The following MYRFL variants were observed in gnomAD, a reference collection of about 807,000 sequenced individuals.
MYRFL encodes myelin regulatory factor-like protein.
MYRFL carries 88 observed loss-of-function variants against 109.4 expected under a neutral mutation model. The ratio of observed to expected loss-of-function variants is 0.80; its 90% CI spans 0.68 to 0.96. The LOEUF is 0.96. MYRFL is among the 40% of genes least tolerant of loss of function. MYRFL has a pLI of 0.00. For synonymous variants in MYRFL, 324 were observed against 320.9 expected, an observed-to-expected ratio of 1.01 and a Z score of -0.10; for missense variants, 957 against 954.9, an observed-to-expected ratio of 1.00 and a Z score of -0.03.
At chr12:69,910,985 C>T in intron 13 of MYRFL, 55 bp downstream of exon 13, 1 of 1,252,498 alleles carries the variant, frequency 8.0e-7, no homozygotes, top group Non-Finnish European at 1.1e-6. Flanking sequence ...GGATAAACCC[C>T]CTTCTGTGAT....
chr12:69,878,782 C>T (rs907278035), intron 2 of MYRFL, among the ~76,000 whole-genome samples: 7 of 152,014 alleles, frequency 4.6e-5, no homozygotes, highest in Admixed American at 6.6e-5. Flanking sequence ...GGAGAGGTTA[C>T]GTACTTATTC....
intron 1 of MYRFL, among the ~76,000 whole-genome samples, chr12:69,853,902 A>G (rs1000740087): frequency 1.3e-5 from 2 of 151,424 alleles, no homozygotes; most frequent in Non-Finnish European, 2.9e-5. Context: ...ATCCCAGACG[A>G]TGGGCGGCCA....
At position 69,932,563 on chromosome 12, in the gene MYRFL, C is replaced by G; in HGVS notation, c.1881C>G (p.Thr627=). The G allele has an allele frequency of 6.5e-7, 1 of 1,535,958 alleles. No individual in the cohort carries two copies. Among genetic ancestry groups the G allele is most frequent in the Non-Finnish European group, 8.7e-7 (1 of 1,146,838 alleles). Residue 627 remains threonine, a synonymous_variant, in exon 16 of 25, where the codon ACC becomes ACG. Transcript: ENST00000552032. The stretch of plus-strand genomic sequence containing the variant: ...CGTGTCCTAATTGGGTTTTCCAGAC[C>G]TTGGTTATAACTCTGATTGCTGTGA... ...RQACPNWVFQ[T]LVITLIAVMA...
At chr12:69,844,609 G>A (rs933276391) in intron 1 of MYRFL, among the ~76,000 whole-genome samples, 7 of 152,172 alleles carry the variant, frequency 4.6e-5, no homozygotes, top group Admixed American at 2.6e-4. Context: ...GTGAGAGCAC[G>A]ATCAGTAGCC....
intron 10 of MYRFL, among the ~76,000 whole-genome samples, chr12:69,897,610 A>G (rs981335452): frequency 6.6e-6 from 1 of 152,236 alleles, no homozygotes; most frequent in Non-Finnish European, 1.5e-5. Flanking sequence ...TGTTCTAGGC[A>G]CTGAGCTAAA....
chr12:69,897,143 G>T lies in MYRFL; in HGVS notation c.1092-13G>T. On this transcript the variant is annotated splice_polypyrimidine_tract_variant and intron_variant, in intron 9 of 24. Transcript: ENST00000552032. ...CCTGATGCATTGGCATTGGTCTGCT[G>T]TCTCTGAATTAGATACTTCATGTTG... is the stretch of plus-strand genomic sequence containing the variant. 6.5e-7 allele frequency: 1 copy of T among 1,527,380 alleles called. No individual in the cohort carries two copies. Among genetic ancestry groups the T allele is most frequent in the Non-Finnish European group, 8.8e-7 (1 of 1,139,030 alleles). The allele number at this position is 1,527,380 out of a possible 1,614,324, so 94.6% of individuals were successfully genotyped here.
intron 1 of MYRFL, among the ~76,000 whole-genome samples, chr12:69,846,056 C>A (rs1330797401): frequency 6.8e-6 from 1 of 146,546 alleles, no homozygotes; most frequent in Admixed American, 6.8e-5. Context: ...AAACTCCTTG[C>A]CTTAGTTTAA....
chr12:69,916,797 A>ATAAG (rs961439538), intron 13 of MYRFL, among the ~76,000 whole-genome samples: 5 of 145,392 alleles, frequency 3.4e-5, no homozygotes, highest in African/African-American at 1.3e-4. Context: ...AAATGACTAA[A>ATAAG]TAAGTAAGGT....
chr12:69,862,983 C>T (rs1162285146), intron 2 of MYRFL, among the ~76,000 whole-genome samples: 1 of 151,828 alleles, frequency 6.6e-6, no homozygotes, highest in Non-Finnish European at 1.5e-5. Flanking sequence ...TTGTCAAAGG[C>T]CTTTTCTGCA....
intron 2 of MYRFL, among the ~76,000 whole-genome samples, chr12:69,863,974 C>T (rs1884852892): frequency 6.6e-6 from 1 of 152,156 alleles, no homozygotes; most frequent in Admixed American, 6.5e-5. Context: ...AATGTTGACC[C>T]ACTGCCTTCT....
chr12:69,955,846 GA>G (rs747692000), intron 22 of MYRFL, among the ~76,000 whole-genome samples: 2,676 of 97,908 alleles, frequency 0.027, 38 homozygotes, highest in Middle Eastern at 0.059. Flanking sequence ...CCAAAAGACA[GA>G]AAAAAAAAAA....
chr12:69,908,161 C>A (rs1954432679), intron 11 of MYRFL, among the ~76,000 whole-genome samples: 1 of 152,180 alleles, frequency 6.6e-6, no homozygotes, highest in Non-Finnish European at 1.5e-5. Flanking sequence ...ATGTATTTAA[C>A]AATTATTAGC....
At chr12:69,832,313 C>A (rs1471186588) in intron 1 of MYRFL, among the ~76,000 whole-genome samples, 1 of 152,078 alleles carries the variant, frequency 6.6e-6, no homozygotes, top group African/African-American at 2.4e-5. Context: ...TTCACACAAT[C>A]AAAAAATATT....
At chr12:69,897,973 C>T (rs1291633122) in intron 10 of MYRFL, among the ~76,000 whole-genome samples, 3 of 152,220 alleles carry the variant, frequency 2.0e-5, no homozygotes, top group Non-Finnish European at 4.4e-5. Context: ...TGTGTGAGTT[C>T]AGGCTGGCCA....
At chr12:69,952,533 T>G (rs1222101018) in intron 20 of MYRFL, among the ~76,000 whole-genome samples, 20 of 152,256 alleles carry the variant, frequency 1.3e-4, no homozygotes, top group Admixed American at 1.3e-3. Context: ...AGGACTTCCA[T>G]GGTCCAGAAA....
In MYRFL at chr12:69,952,136, G is replaced by T. The variant is rs757917591; in HGVS notation, c.2248G>T (p.Ala750Ser). The T allele has an allele frequency of 6.5e-7, 1 of 1,536,052 alleles. No individual in the cohort carries two copies. Among genetic ancestry groups the T allele is most frequent in the South Asian group, 1.2e-5 (1 of 84,048 alleles). ...AGAAGACAAAAGCAAATCAGTTTTGGCAAGAAATGCACTCAGCGGCCCTGA... is the reference window on the plus strand; with the variant it reads ...AGAAGACAAAAGCAAATCAGTTTTGTCAAGAAATGCACTCAGCGGCCCTGA... ...WSEDKSKSVL[A>S]RNALSGPDWE... The change falls in exon 20 of 25, where the codon GCA becomes TCA. Residue 750 changes from alanine to serine, a missense_variant. Physicochemically the swap from Ala to Ser is moderately conservative, Grantham distance 99. Transcript: ENST00000552032.
rs192755501 is a variant in MYRFL, at chr12:69,906,821, G to T, written c.1383+2977G>T. 3.0e-3 allele frequency among the ~76,000 whole-genome samples: 458 copies of T among 152,330 alleles called. 2 individuals carry two copies. The highest frequency in any genetic ancestry group is 0.011 in the African/African-American group (440 of 41,564). On this transcript the variant is annotated intron_variant, in intron 11 of 24. Coordinates refer to ENST00000552032, the MANE Select transcript of MYRFL (RefSeq NM_182530.3). ...CACCAGATGACAGATAGCCTTCCCTGAACAGACTGAGTCCCATGGACTGGA... is the reference window on the plus strand; with the variant it reads ...CACCAGATGACAGATAGCCTTCCCTTAACAGACTGAGTCCCATGGACTGGA...
At chr12:69,886,697 C>A in intron 5 of MYRFL, 123 bp from the exon 6 acceptor site, 2 of 1,183,976 alleles carry the variant, frequency 1.7e-6, no homozygotes, top group Admixed American at 2.3e-5. Context: ...CTACCCCCAG[C>A]ACATGACACT....
At chr12:69,937,933 A>C (rs1955520096) in intron 19 of MYRFL, among the ~76,000 whole-genome samples, 1 of 152,214 alleles carries the variant, frequency 6.6e-6, no homozygotes, top group Non-Finnish European at 1.5e-5. Flanking sequence ...TACATGAGTA[A>C]ATCATTTAAT....
Sources: allele counts gnomAD v4.1 joint callset (sites outside exome capture counted in the v4.1 genomes callset), GRCh38; gene constraint gnomAD v4.1.1; transcripts MANE v1.5; gene names NCBI Gene and HGNC (gene_info 2026-07-23, HGNC 2026-07-21).